ACSS3: variants seen among roughly 807,000 people sequenced by gnomAD.
The protein encoded by ACSS3 is acyl-CoA synthetase short-chain family member 3, mitochondrial.
ACSS3 carries 64 observed loss-of-function variants against 84.2 expected under a neutral mutation model. The ratio of observed to expected loss-of-function variants is 0.76; its 90% CI spans 0.62 to 0.94. ACSS3 has a LOEUF of 0.94. Ranked by LOEUF, ACSS3 falls within the 40% of genes least tolerant of loss-of-function variation. The pLI, the probability that ACSS3 is intolerant of heterozygous loss-of-function variation, is 0.00. For missense variants in ACSS3, 815 were observed against 867.6 expected, an observed-to-expected ratio of 0.94 and a Z score of 0.76; for synonymous variants, 317 against 310.1, an observed-to-expected ratio of 1.02 and a Z score of -0.23.
At chr12:81,241,213 A>AT (rs564221501) in intron 13 of ACSS3, among the ~76,000 whole-genome samples, 1,686 of 151,890 alleles carry the variant, frequency 0.011, 28 homozygotes, top group African/African-American at 0.038. Context: ...TGTGTGCCAC[A>AT]TTTTCTTAAT....
At chr12:81,180,318 A>C (rs2030840123) in intron 8 of ACSS3, among the ~76,000 whole-genome samples, 1 of 152,206 alleles carries the variant, frequency 6.6e-6, no homozygotes, top group Non-Finnish European at 1.5e-5. Context: ...ACCACAACAC[A>C]CAATTTACCC....
chr12:81,239,682 C>G (rs924405932), intron 13 of ACSS3, among the ~76,000 whole-genome samples: 5 of 151,852 alleles, frequency 3.3e-5, no homozygotes, highest in Non-Finnish European at 7.4e-5. Flanking sequence ...AGATTCACCC[C>G]CATGATTCAG....
intron 9 of ACSS3, among the ~76,000 whole-genome samples, chr12:81,215,398 A>G (rs1027270910): frequency 6.6e-6 from 1 of 152,222 alleles, no homozygotes; most frequent in Non-Finnish European, 1.5e-5. Context: ...TTGATGTTCA[A>G]GAGTTCATCC....
intron 8 of ACSS3, among the ~76,000 whole-genome samples, chr12:81,182,447 A>G (rs1419859570): frequency 6.6e-6 from 1 of 152,238 alleles, no homozygotes. Flanking sequence ...AATACATACA[A>G]AAGTATAAAA....
At chr12:81,215,873 C>T (rs2032894285) in intron 9 of ACSS3, among the ~76,000 whole-genome samples, 2 of 152,218 alleles carry the variant, frequency 1.3e-5, no homozygotes, top group South Asian at 4.1e-4. Flanking sequence ...CTGGCTGTTA[C>T]AACTTGAGAC....
At chr12:81,239,550 G>A (rs1389004549) in intron 13 of ACSS3, among the ~76,000 whole-genome samples, 1 of 151,928 alleles carries the variant, frequency 6.6e-6, no homozygotes, top group Non-Finnish European at 1.5e-5. Context: ...GGCAGAAGGA[G>A]AATGAAGAGC....
intron 4 of ACSS3, among the ~76,000 whole-genome samples, chr12:81,141,061 T>A (rs1209624638): frequency 6.6e-6 from 1 of 152,176 alleles, no homozygotes; most frequent in Non-Finnish European, 1.5e-5. Flanking sequence ...AAACTCCAGT[T>A]TAATGATTTG....
At chr12:81,200,929 A>G (rs376128055) in intron 9 of ACSS3, among the ~76,000 whole-genome samples, 3 of 151,868 alleles carry the variant, frequency 2.0e-5, no homozygotes, top group South Asian at 2.1e-4. Flanking sequence ...AAGAAAGAAA[A>G]AAATGTTTTT....
intron 1 of ACSS3, among the ~76,000 whole-genome samples, chr12:81,088,271 C>T (rs887819430): frequency 1.3e-5 from 2 of 151,952 alleles, no homozygotes; most frequent in African/African-American, 2.4e-5. Context: ...AATGGAGTGG[C>T]GTGAGTGAGA....
At chr12:81,108,120 G>A (rs138296422) in intron 1 of ACSS3, among the ~76,000 whole-genome samples, 2 of 152,006 alleles carry the variant, frequency 1.3e-5, no homozygotes, top group African/African-American at 4.8e-5. Flanking sequence ...TCAGTCACAG[G>A]GGAATTCAGA....
At position 81,151,828 on chromosome 12, in the gene ACSS3, C is replaced by A; in HGVS notation, c.922-16C>A. 1.2e-6 allele frequency: 2 copies of A among 1,605,196 alleles called. No homozygotes were observed. The highest frequency in any genetic ancestry group is 1.7e-6 in the Non-Finnish European group (2 of 1,175,986). On this transcript the variant is annotated splice_polypyrimidine_tract_variant and intron_variant, in intron 5 of 15. Coordinates refer to ENST00000548058, the MANE Select transcript of ACSS3 (RefSeq NM_024560.4). ...ACATTGTTTATTGATTTTAATTTCA[C>A]TTTTTCTCTCCTTAGGGTGTGATTA...
chr12:81,128,659 A>G (rs550070213), intron 2 of ACSS3, among the ~76,000 whole-genome samples: 1 of 152,300 alleles, frequency 6.6e-6, no homozygotes, highest in South Asian at 2.1e-4. Flanking sequence ...CAGTTGAAAA[A>G]CTATTTATTA....
At chr12:81,131,695 G>A (rs1056802074) in intron 2 of ACSS3, among the ~76,000 whole-genome samples, 2 of 152,168 alleles carry the variant, frequency 1.3e-5, no homozygotes, top group Non-Finnish European at 1.5e-5. Flanking sequence ...GGGCATCCCT[G>A]TCTTGTGCCA....
intron 2 of ACSS3, among the ~76,000 whole-genome samples, chr12:81,111,582 T>TG (rs1350140565): frequency 6.6e-6 from 1 of 152,180 alleles, no homozygotes; most frequent in Non-Finnish European, 1.5e-5. Flanking sequence ...AGGGCTGACA[T>TG]ACTCCTCAGA....
chr12:81,123,215 G>A (rs972973066), intron 2 of ACSS3, among the ~76,000 whole-genome samples: 2 of 152,088 alleles, frequency 1.3e-5, no homozygotes, highest in Non-Finnish European at 2.9e-5. Context: ...AATGGTGGAG[G>A]GAAAGGGGCA....
At chr12:81,112,777 C>T (rs920246411) in intron 2 of ACSS3, among the ~76,000 whole-genome samples, 1 of 152,112 alleles carries the variant, frequency 6.6e-6, no homozygotes, top group Non-Finnish European at 1.5e-5. Context: ...TTGTACATTA[C>T]TTGTTTTACT....
chr12:81,168,436 A>C lies in ACSS3; in HGVS notation c.1099-6352A>C, dbSNP rs369982900. Among the ~76,000 whole-genome samples, 19 of 152,326 alleles carry C rather than the reference A, an allele frequency of 1.2e-4. No homozygotes were observed. In the East Asian group the frequency reaches 2.3e-3, roughly 19 times the overall value. ...GTACATACCTTAATTTAATTTCAGAATATCCATGAACTCCTCTGAAGTTCG... is the reference window on the plus strand; with the variant it reads ...GTACATACCTTAATTTAATTTCAGACTATCCATGAACTCCTCTGAAGTTCG... On this transcript the variant is annotated intron_variant, in intron 7 of 15. Transcript: ENST00000548058.
At chr12:81,171,717 T>A (rs2030057106) in intron 7 of ACSS3, among the ~76,000 whole-genome samples, 1 of 152,114 alleles carries the variant, frequency 6.6e-6, no homozygotes, top group Non-Finnish European at 1.5e-5. Flanking sequence ...TATGATGTAG[T>A]TTTTTTACTA....
chr12:81,144,708 T>A (rs768171189), intron 5 of ACSS3, among the ~76,000 whole-genome samples: 1 of 152,118 alleles, frequency 6.6e-6, no homozygotes, highest in Non-Finnish European at 1.5e-5. Flanking sequence ...ACCTCAAGAC[T>A]TTAAGTCACT....
Sources: allele counts gnomAD v4.1 joint callset (sites outside exome capture counted in the v4.1 genomes callset), GRCh38; gene constraint gnomAD v4.1.1; transcripts MANE v1.5; gene names NCBI Gene and HGNC (gene_info 2026-07-23, HGNC 2026-07-21).